HS3ST4: variants seen among roughly 807,000 people sequenced by gnomAD.
HS3ST4 encodes the protein heparan sulfate-glucosamine 3-sulfotransferase 4.
Under a neutral mutation model 29.2 loss-of-function variants are expected in HS3ST4, and 17 were observed. That is an observed-to-expected ratio of 0.58 (90% CI 0.40 to 0.87). HS3ST4 has a LOEUF of 0.87. HS3ST4 is among the 40% of genes least tolerant of loss of function. HS3ST4 has a pLI of 0.00. For missense variants in HS3ST4, 627 were observed against 634.5 expected (o/e 0.99, Z 0.13); for synonymous variants, 314 against 285.7 (o/e 1.10, Z -1.00).
At chr16:25,838,808 G>C (rs1045961894) in intron 1 of HS3ST4, among the ~76,000 whole-genome samples, 2 of 152,212 alleles carry the variant, frequency 1.3e-5, no homozygotes, top group Non-Finnish European at 2.9e-5. Flanking sequence ...GCCGAGAAAA[G>C]AGCGAAGCCC....
chr16:25,707,067 A>G lies in HS3ST4; in HGVS notation c.734+13916A>G, dbSNP rs1454122750. On this transcript the variant is annotated intron_variant, in intron 1 of 1. Coordinates refer to ENST00000331351, the MANE Select transcript of HS3ST4 (RefSeq NM_006040.3). ...CCAGCATGTCCACCCTGTAGACTCTACCCATCCTTGAGTCACTCAGCAGCT... is the reference window on the plus strand; with the variant it reads ...CCAGCATGTCCACCCTGTAGACTCTGCCCATCCTTGAGTCACTCAGCAGCT... Among the ~76,000 whole-genome samples the G allele has an allele frequency of 2.6e-5, 4 of 152,146 alleles. No individual in the cohort carries two copies. In the East Asian group the frequency reaches 7.7e-4, roughly 29 times the overall value.
At chr16:25,739,452 G>T (rs1018649671) in intron 1 of HS3ST4, among the ~76,000 whole-genome samples, 2 of 152,158 alleles carry the variant, frequency 1.3e-5, no homozygotes, top group African/African-American at 2.4e-5. Flanking sequence ...TGGTTACATG[G>T]CAGTTTCTAT....
At chr16:25,819,290 T>A (rs1967124087) in intron 1 of HS3ST4, among the ~76,000 whole-genome samples, 1 of 152,106 alleles carries the variant, frequency 6.6e-6, no homozygotes, top group Non-Finnish European at 1.5e-5. Context: ...GCCTGGGCCT[T>A]CACTCTCCTA....
chr16:25,999,109 C>T (rs867000578), intron 1 of HS3ST4, among the ~76,000 whole-genome samples: 6 of 152,066 alleles, frequency 3.9e-5, no homozygotes, highest in African/African-American at 1.2e-4. Flanking sequence ...TAATTCATTT[C>T]GTCTAGAGTT....
intron 1 of HS3ST4, among the ~76,000 whole-genome samples, chr16:26,117,209 C>A (rs1189998758): frequency 6.6e-6 from 1 of 152,178 alleles, no homozygotes; most frequent in African/African-American, 2.4e-5. Flanking sequence ...GGCCATCGAA[C>A]CATTTGCAGT....
intron 1 of HS3ST4, among the ~76,000 whole-genome samples, chr16:26,023,363 A>G (rs1221624640): frequency 2.6e-5 from 4 of 151,928 alleles, no homozygotes; most frequent in Admixed American, 2.6e-4. Flanking sequence ...AGGTTATTCA[A>G]ATAGATAGAA....
intron 1 of HS3ST4, among the ~76,000 whole-genome samples, chr16:25,901,953 T>C (rs1353579499): frequency 6.6e-6 from 1 of 152,192 alleles, no homozygotes; most frequent in Non-Finnish European, 1.5e-5. Context: ...AATAACACCG[T>C]TGTATCTTAT....
chr16:26,123,406 C>T (rs1052675200), intron 1 of HS3ST4, among the ~76,000 whole-genome samples: 1 of 152,202 alleles, frequency 6.6e-6, no homozygotes, highest in African/African-American at 2.4e-5. Flanking sequence ...TTTGTGGGCT[C>T]TGGAATTCAG....
At chr16:25,861,712 A>G (rs545863826) in intron 1 of HS3ST4, among the ~76,000 whole-genome samples, 35 of 152,284 alleles carry the variant, frequency 2.3e-4, no homozygotes, top group Admixed American at 7.2e-4. Flanking sequence ...TTCTCTCAGG[A>G]AAAACAAAAA....
intron 1 of HS3ST4, among the ~76,000 whole-genome samples, chr16:25,768,026 G>C (rs1205245954): frequency 6.6e-6 from 1 of 152,132 alleles, no homozygotes; most frequent in African/African-American, 2.4e-5. Context: ...CTTAAAGCTT[G>C]AGCTTCCCAT....
Position 25,788,540 on chromosome 16 carries a change from C to CTTTTTTTTTTTTTT in HS3ST4, c.734+95392_734+95393insTTTTTTTTTTTTTT, listed in dbSNP as rs34729954. On this transcript the variant is annotated intron_variant, in intron 1 of 1. Transcript: ENST00000331351. ...TTCCTACATTTTTTTTTCTTTTCTT[C>CTTTTTTTTTTTTTT]TTTCTTTTTTTTTTTTTTTTGACAG... 5.0e-5 allele frequency among the ~76,000 whole-genome samples: 5 copies of CTTTTTTTTTTTTTT among 99,068 alleles called. 1 individual carries two copies. The highest frequency in any genetic ancestry group is 5.7e-5 in the Non-Finnish European group (3 of 52,400). The allele number at this position is 99,068 out of a possible 152,430, so 65.0% of individuals were successfully genotyped here. A position where few individuals can be genotyped will look rare whatever the true frequency, so the allele number is the denominator to read the frequency against.
chr16:25,873,362 C>T lies in HS3ST4; in HGVS notation c.734+180211C>T, dbSNP rs1567261357. The stretch of plus-strand genomic sequence containing the variant: ...TTCATCCATCTATCCATCCATCCAC[C>T]TAGCAAGCCATCCAGTCATCCATCC... On this transcript the variant is annotated intron_variant, in intron 1 of 1. Transcript: ENST00000331351. 4.3e-3 allele frequency among the ~76,000 whole-genome samples: 633 copies of T among 148,504 alleles called. 2 individuals carry two copies. The highest frequency in any genetic ancestry group is 0.019 in the South Asian group (84 of 4,464).
chr16:25,813,681 A>G (rs1231827284), intron 1 of HS3ST4, among the ~76,000 whole-genome samples: 1 of 152,214 alleles, frequency 6.6e-6, no homozygotes, highest in Non-Finnish European at 1.5e-5. Context: ...TTAATTTCCT[A>G]TAAAGTTAAA....
intron 1 of HS3ST4, among the ~76,000 whole-genome samples, chr16:25,939,136 A>G (rs1042694897): frequency 1.7e-4 from 26 of 151,960 alleles, no homozygotes; most frequent in African/African-American, 5.8e-4. Context: ...CACATACCTC[A>G]TTGGGCCAGG....
chr16:25,828,289 T>C (rs1265310400), intron 1 of HS3ST4, among the ~76,000 whole-genome samples: 71 of 94,500 alleles, frequency 7.5e-4, no homozygotes, highest in South Asian at 2.8e-3. Flanking sequence ...TCTTTCTTTC[T>C]TTCTTTCTTT....
At chr16:26,000,643 A>G (rs968790351) in intron 1 of HS3ST4, among the ~76,000 whole-genome samples, 6 of 152,140 alleles carry the variant, frequency 3.9e-5, no homozygotes, top group African/African-American at 1.4e-4. Context: ...TGGTTATTGG[A>G]CAGGTAAACA....
At position 26,136,379 on chromosome 16, in the gene HS3ST4, G is replaced by A; in HGVS notation, c.*131G>A. ...ATCTCCTCCTCCTTCATGCAGCCAG[G>A]ATTGCCTCCAGTGCTGTTAGCTTAG... On this transcript the variant is annotated 3_prime_UTR_variant, in exon 2 of 2. Coordinates refer to ENST00000331351, the MANE Select transcript of HS3ST4 (RefSeq NM_006040.3). 1 of 890,562 alleles carries A rather than the reference G, an allele frequency of 1.1e-6. No individual in the cohort carries two copies. Among genetic ancestry groups the A allele is most frequent in the Non-Finnish European group, 1.7e-6 (1 of 599,806 alleles). The allele number at this position is 890,562 out of a possible 1,614,324, so 55.2% of individuals were successfully genotyped here.
intron 1 of HS3ST4, among the ~76,000 whole-genome samples, chr16:25,697,215 A>G (rs978580695): frequency 6.6e-6 from 1 of 152,242 alleles, no homozygotes; most frequent in Non-Finnish European, 1.5e-5. Flanking sequence ...TCCTGGAACT[A>G]ACATTTTAGT....
chr16:26,012,696 C>T (rs1385545028), intron 1 of HS3ST4, among the ~76,000 whole-genome samples: 1 of 152,170 alleles, frequency 6.6e-6, no homozygotes, highest in Non-Finnish European at 1.5e-5. Flanking sequence ...TGTATAGAAG[C>T]TGGGCCACAT....
Sources: allele counts gnomAD v4.1 joint callset (sites outside exome capture counted in the v4.1 genomes callset), GRCh38; gene constraint gnomAD v4.1.1; transcripts MANE v1.5; gene names NCBI Gene and HGNC (gene_info 2026-07-23, HGNC 2026-07-21).